The following PARVA variants were observed in gnomAD, a reference collection of about 807,000 sequenced individuals.
PARVA encodes alpha-parvin.
In PARVA, 25 loss-of-function variants were observed where a neutral mutation model predicts 52.6. That is an observed-to-expected ratio of 0.48 (90% CI 0.35 to 0.66). The LOEUF (loss-of-function observed/expected upper bound fraction) is 0.66. Ranked by LOEUF, PARVA falls within the 30% of genes least tolerant of loss-of-function variation. The pLI, the probability that PARVA is intolerant of heterozygous loss-of-function variation, is 0.01. For missense variants in PARVA, 373 were observed against 450.9 expected, an observed-to-expected ratio of 0.83 and a Z score of 1.56; for synonymous variants, 185 against 179.1, an observed-to-expected ratio of 1.03 and a Z score of -0.26.
At position 12,523,895 on chromosome 11, in the gene PARVA, G is replaced by A. The variant is rs191401340; in HGVS notation, c.1043-3954G>A. 7.2e-5 allele frequency among the ~76,000 whole-genome samples: 11 copies of A among 152,320 alleles called. No homozygotes were observed. In the East Asian group the frequency reaches 1.9e-3, roughly 27 times the overall value. On this transcript the variant is annotated intron_variant, in intron 12 of 12. Coordinates refer to ENST00000334956, the MANE Select transcript of PARVA (RefSeq NM_018222.5). ...GCATGAAGTTACAATATATTCCCAGGAATCCACAGCCCTTCTCCTGGCTGA... is the reference window on the plus strand; with the variant it reads ...GCATGAAGTTACAATATATTCCCAGAAATCCACAGCCCTTCTCCTGGCTGA...
chr11:12,488,527 CTT>C (rs1392085273), intron 4 of PARVA, among the ~76,000 whole-genome samples: 1 of 152,262 alleles, frequency 6.6e-6, no homozygotes, highest in African/African-American at 2.4e-5. Flanking sequence ...GGAGACAAAT[CTT>C]GGGTAGAGTC....
At chr11:12,424,505 A>T (rs1360523250) in intron 1 of PARVA, among the ~76,000 whole-genome samples, 1 of 152,214 alleles carries the variant, frequency 6.6e-6, no homozygotes, top group East Asian at 1.9e-4. Context: ...AAATAAATTT[A>T]AAAATAAAAT....
chr11:12,489,492 G>T (rs1941204203), intron 4 of PARVA, among the ~76,000 whole-genome samples: 2 of 152,026 alleles, frequency 1.3e-5, no homozygotes, highest in South Asian at 4.1e-4. Context: ...AAACATAGAG[G>T]TTAGTCTAAG....
At chr11:12,489,151 C>A (rs1282118127) in intron 4 of PARVA, among the ~76,000 whole-genome samples, 2 of 149,702 alleles carry the variant, frequency 1.3e-5, no homozygotes, top group Middle Eastern at 3.5e-3. Flanking sequence ...ATGGTGAGAC[C>A]CCACCTCTAT....
intron 6 of PARVA, among the ~76,000 whole-genome samples, chr11:12,507,457 A>G (rs116358830): frequency 6.6e-6 from 1 of 152,142 alleles, no homozygotes; most frequent in African/African-American, 2.4e-5. Flanking sequence ...AGTGCTTTTT[A>G]AACCCTCCAA....
At position 12,489,475 on chromosome 11, in the gene PARVA, A is replaced by G. The variant is rs188024598; in HGVS notation, c.401-6983A>G. ...CAACAGAATAGAAAACGAGAAAGAG[A>G]ATTTGAAAACATAGAGGTTAGTCTA... On this transcript the variant is annotated intron_variant, in intron 4 of 12. Transcript: ENST00000334956. Among the ~76,000 whole-genome samples the G allele has an allele frequency of 7.3e-4, 111 of 152,312 alleles. 1 individual carries two copies. In the East Asian group the frequency reaches 0.019, roughly 26 times the overall value.
Position 12,527,972 on chromosome 11 carries a change from G to A in PARVA, c.*47G>A, listed in dbSNP as rs371607200. ...CTGCCCAAGAGTTCTTGCTGTTGGCGTACTGGACCCTCCTCCGAACTGCCT... is the reference window on the plus strand; with the variant it reads ...CTGCCCAAGAGTTCTTGCTGTTGGCATACTGGACCCTCCTCCGAACTGCCT... On this transcript the variant is annotated 3_prime_UTR_variant, in exon 13 of 13. Transcript: ENST00000334956. 1.1e-4 allele frequency: 145 copies of A among 1,358,778 alleles called. No individual in the cohort carries two copies. Among genetic ancestry groups the A allele is most frequent in the Non-Finnish European group, 1.3e-4 (127 of 948,542 alleles). 84.2% of individuals were successfully genotyped at this position (1,358,778 alleles called of 1,614,324 possible). A position where few individuals can be genotyped will look rare whatever the true frequency, so the allele number is the denominator to read the frequency against.
At chr11:12,426,132 A>G (rs1300641124) in intron 1 of PARVA, among the ~76,000 whole-genome samples, 1 of 152,232 alleles carries the variant, frequency 6.6e-6, no homozygotes, top group African/African-American at 2.4e-5. Context: ...AAATAAGTGT[A>G]TAACTTCAAA....
At position 12,474,774 on chromosome 11, in the gene PARVA, G is replaced by T. The variant is rs150794238; in HGVS notation, c.297+791G>T. 5.4e-3 allele frequency among the ~76,000 whole-genome samples: 819 copies of T among 151,000 alleles called. 7 individuals are homozygous for T. The highest frequency in any genetic ancestry group is 0.019 in the African/African-American group (770 of 40,632). On this transcript the variant is annotated intron_variant, in intron 3 of 12. Transcript: ENST00000334956. ...ACAAAAAGTAGCCAAGTGTGGTGGC[G>T]CATGACTGTAATCCCAGACCATCTC...
intron 12 of PARVA, among the ~76,000 whole-genome samples, chr11:12,521,978 G>A (rs976980918): frequency 6.6e-6 from 1 of 152,170 alleles, no homozygotes; most frequent in Non-Finnish European, 1.5e-5. Context: ...TCAGTGAGAT[G>A]GATTTGGGGC....
chr11:12,467,596 A>G (rs1256882325), intron 1 of PARVA, among the ~76,000 whole-genome samples: 1 of 152,202 alleles, frequency 6.6e-6, no homozygotes, highest in Non-Finnish European at 1.5e-5. Flanking sequence ...CTGACCAGAC[A>G]ATATAGTTGT....
At chr11:12,482,945 G>A (rs543811132) in intron 4 of PARVA, among the ~76,000 whole-genome samples, 8 of 152,318 alleles carry the variant, frequency 5.3e-5, no homozygotes, top group African/African-American at 1.2e-4. Flanking sequence ...TATATGTTTC[G>A]TTGCTGTGGT....
chr11:12,390,537 G>T (rs1267556982), intron 1 of PARVA, among the ~76,000 whole-genome samples: 1 of 152,158 alleles, frequency 6.6e-6, no homozygotes, highest in African/African-American at 2.4e-5. Flanking sequence ...AATGTAGCAG[G>T]CAGGTTACGA....
intron 1 of PARVA, among the ~76,000 whole-genome samples, chr11:12,460,752 C>G (rs1426748475): frequency 6.6e-6 from 1 of 152,064 alleles, no homozygotes; most frequent in Non-Finnish European, 1.5e-5. Flanking sequence ...GTTCAGGATT[C>G]ATAAATAAGA....
intron 1 of PARVA, among the ~76,000 whole-genome samples, chr11:12,451,340 C>T (rs1053941119): frequency 1.4e-4 from 21 of 152,074 alleles, no homozygotes; most frequent in African/African-American, 2.2e-4. Flanking sequence ...CAGGCACCTT[C>T]GAAAGCCTTA....
rs1941037226 is a variant in PARVA, at chr11:12,477,955, A to G, written c.400+6A>G. ...AGTCCTGCAGAAGCTTTTCGGTAGG[A>G]GAGTTGAGTGCTGCAATGGATGTGT... On this transcript the variant is annotated splice_donor_region_variant and intron_variant, in intron 4 of 12. Coordinates refer to ENST00000334956, the MANE Select transcript of PARVA (RefSeq NM_018222.5). The G allele has an allele frequency of 6.7e-7, 1 of 1,489,062 alleles. No individual in the cohort carries two copies. The highest frequency in any genetic ancestry group is 1.4e-5 in the African/African-American group (1 of 72,586). The allele number at this position is 1,489,062 out of a possible 1,614,324, so 92.2% of individuals were successfully genotyped here.
At chr11:12,431,199 C>G (rs1037219424) in intron 1 of PARVA, among the ~76,000 whole-genome samples, 1 of 152,200 alleles carries the variant, frequency 6.6e-6, no homozygotes, top group Non-Finnish European at 1.5e-5. Context: ...AGCCTTGTCC[C>G]CACTGGGGCC....
intron 1 of PARVA, among the ~76,000 whole-genome samples, chr11:12,444,538 G>A (rs150634876): frequency 1.3e-5 from 2 of 152,050 alleles, no homozygotes; most frequent in African/African-American, 2.4e-5. Flanking sequence ...TGGAACTCCT[G>A]GGTTCAAGTG....
intron 1 of PARVA, among the ~76,000 whole-genome samples, chr11:12,402,965 A>G (rs1046130916): frequency 4.0e-4 from 61 of 152,180 alleles, no homozygotes; most frequent in African/African-American, 1.4e-3. Context: ...GGCACGGCTG[A>G]GAATATGTTG....
Sources: gnomAD v4.1 joint callset for allele counts (sites outside exome capture counted in the v4.1 genomes callset) on GRCh38, gnomAD v4.1.1 for gene constraint, MANE v1.5 for transcripts, NCBI Gene and HGNC (gene_info 2026-07-23, HGNC 2026-07-21) for gene names.